Variants in IL1RAPL2 observed in about 807,000 individuals in gnomAD.
The protein encoded by IL1RAPL2 is interleukin 1 receptor accessory protein like 2.
In IL1RAPL2, 3 loss-of-function variants were observed where a neutral mutation model predicts 44.1. The ratio of observed to expected loss-of-function variants is 0.07; its 90% confidence interval spans 0.03 to 0.18. IL1RAPL2 has a LOEUF of 0.18. Ranked by LOEUF, IL1RAPL2 falls within the 10% of genes least tolerant of loss-of-function variation. The pLI, the probability that IL1RAPL2 is intolerant of heterozygous loss-of-function variation, is 1.00. For synonymous variants in IL1RAPL2, 181 were observed against 178.8 expected (o/e 1.01, Z -0.10); for missense variants, 391 against 496.4 (o/e 0.79, Z 2.02).
intron 2 of IL1RAPL2, among the ~76,000 whole-genome samples, chrX:104,812,144 C>G (rs900504213): frequency 1.8e-5 from 2 of 110,690 alleles, no homozygotes; most frequent in South Asian, 3.9e-4. Context: ...CAAACAGCAC[C>G]CCCTGAAGAA....
At chrX:105,555,709 A>T (rs2036891999) in intron 6 of IL1RAPL2, among the ~76,000 whole-genome samples, 1 of 112,332 alleles carries the variant, frequency 8.9e-6, no homozygotes, top group African/African-American at 3.2e-5. Context: ...ACCAACCCAC[A>T]TCATTCTATG....
At chrX:104,742,536 T>C (rs139936035) in intron 2 of IL1RAPL2, among the ~76,000 whole-genome samples, 6,117 of 111,662 alleles carry the variant, frequency 0.055, 439 homozygotes, top group African/African-American at 0.19. Flanking sequence ...TCAGTAAATG[T>C]TTGTTTAATG....
chrX:104,967,315 C>A (rs2030143886), intron 2 of IL1RAPL2, among the ~76,000 whole-genome samples: 2 of 110,081 alleles, frequency 1.8e-5, no homozygotes, highest in African/African-American at 3.3e-5. Context: ...TAAATATTCA[C>A]AAGAGAAAAT....
At chrX:104,857,468 C>T (rs1351360789) in intron 2 of IL1RAPL2, among the ~76,000 whole-genome samples, 1 of 111,816 alleles carries the variant, frequency 8.9e-6, no homozygotes, top group Non-Finnish European at 1.9e-5. Flanking sequence ...TTTACTATTT[C>T]AAAAATTGAC....
At chrX:105,758,768 C>T (rs1181546236) in intron 10 of IL1RAPL2, among the ~76,000 whole-genome samples, 1 of 112,050 alleles carries the variant, frequency 8.9e-6, no homozygotes, top group African/African-American at 3.2e-5. Flanking sequence ...AGACTAGAAA[C>T]ATCTGTCCCT....
chrX:104,898,425 C>A (rs748543229), intron 2 of IL1RAPL2, among the ~76,000 whole-genome samples: 1 of 112,118 alleles, frequency 8.9e-6, no homozygotes, highest in East Asian at 2.8e-4. Flanking sequence ...GCAAGTGACA[C>A]CAAGCTAAAT....
chrX:105,740,338 A>G (rs1194305987), intron 7 of IL1RAPL2, among the ~76,000 whole-genome samples: 2 of 111,757 alleles, frequency 1.8e-5, no homozygotes, highest in Non-Finnish European at 3.8e-5. Context: ...TGAATTATTC[A>G]CTTCTTTTCT....
chrX:105,381,600 A>G (rs947103176), intron 5 of IL1RAPL2, among the ~76,000 whole-genome samples: 6 of 111,747 alleles, frequency 5.4e-5, no homozygotes, highest in African/African-American at 2.0e-4. Context: ...TAGCCAGTAT[A>G]CTTTTTCATA....
intron 5 of IL1RAPL2, among the ~76,000 whole-genome samples, chrX:105,290,084 G>T (rs950255866): frequency 9.0e-6 from 1 of 111,399 alleles, no homozygotes; most frequent in Non-Finnish European, 1.9e-5. Flanking sequence ...ACAGGATCTT[G>T]ATCTGACAGG....
intron 2 of IL1RAPL2, among the ~76,000 whole-genome samples, chrX:105,080,581 C>G: frequency 9.0e-6 from 1 of 111,561 alleles, no homozygotes; most frequent in Middle Eastern, 4.6e-3. Context: ...GTCTATATAC[C>G]TGTTTTGGTA....
chrX:105,336,734 T>G (rs146899963), intron 5 of IL1RAPL2, among the ~76,000 whole-genome samples: 1,250 of 112,284 alleles, frequency 0.011, 19 homozygotes, highest in African/African-American at 0.038. Context: ...AAAGTCATCA[T>G]GGCTATTCTG....
At chrX:105,324,930 G>T (rs111546219) in intron 5 of IL1RAPL2, among the ~76,000 whole-genome samples, 12,562 of 111,624 alleles carry the variant, frequency 0.11, 1,726 homozygotes, top group African/African-American at 0.39. Flanking sequence ...AGATCAACCT[G>T]TGTAAATAAT....
intron 5 of IL1RAPL2, among the ~76,000 whole-genome samples, chrX:105,423,425 C>G (rs753594958): frequency 7.1e-4 from 79 of 111,770 alleles, no homozygotes; most frequent in Non-Finnish European, 1.2e-3. Context: ...AGAACCTTCA[C>G]TCTTTGAGAG....
chrX:105,002,513 T>C (rs1236719869), intron 2 of IL1RAPL2, among the ~76,000 whole-genome samples: 2 of 111,222 alleles, frequency 1.8e-5, no homozygotes, highest in African/African-American at 6.5e-5. Flanking sequence ...GGAATCCTTT[T>C]TGAAGTCACG....
chrX:104,714,859 A>G (rs1825652068), intron 2 of IL1RAPL2, among the ~76,000 whole-genome samples: 2 of 110,889 alleles, frequency 1.8e-5, no homozygotes, highest in African/African-American at 6.5e-5. Flanking sequence ...AAGCTTTTTG[A>G]TGTGCTGCTG....
intron 7 of IL1RAPL2, among the ~76,000 whole-genome samples, chrX:105,723,175 C>T (rs756363623): frequency 1.6e-4 from 18 of 111,801 alleles, no homozygotes; most frequent in Non-Finnish European, 2.1e-4. Flanking sequence ...ACCATTCACA[C>T]GTTCTACCTT....
intron 2 of IL1RAPL2, among the ~76,000 whole-genome samples, chrX:105,011,990 T>C (rs1289303305): frequency 9.0e-6 from 1 of 111,358 alleles, no homozygotes. Flanking sequence ...AGTTAGCTCT[T>C]AAAAAAATTA....
At chrX:104,750,351 C>G (rs150481143) in intron 2 of IL1RAPL2, among the ~76,000 whole-genome samples, 2,589 of 111,296 alleles carry the variant, frequency 0.023, 72 homozygotes, top group African/African-American at 0.078. Flanking sequence ...CCCTTGAAGT[C>G]TTCTGTGTGT....
At chrX:105,081,686 G>T (rs1429705425) in intron 2 of IL1RAPL2, among the ~76,000 whole-genome samples, 1 of 111,602 alleles carries the variant, frequency 9.0e-6, no homozygotes. Flanking sequence ...AGTGTGAAGG[G>T]CTGTTGAATT....
Sources: allele counts gnomAD v4.1 joint callset (sites outside exome capture counted in the v4.1 genomes callset), GRCh38; gene constraint gnomAD v4.1.1; transcripts MANE v1.5; gene names NCBI Gene and HGNC (gene_info 2026-07-23, HGNC 2026-07-21).